PLEKHG4B: variants seen among roughly 807,000 people sequenced by gnomAD.
The protein encoded by PLEKHG4B is pleckstrin homology and RhoGEF domain containing G4B, also known as pleckstrin homology domain-containing family G member 4B.
In PLEKHG4B, 111 loss-of-function variants were observed where a neutral mutation model predicts 121.3. The observed-to-expected ratio is 0.92, with a 90% CI of 0.78 to 1.07. The LOEUF is 1.07. PLEKHG4B is among the 50% of genes least tolerant of loss of function. PLEKHG4B has a pLI of 0.00. For synonymous variants in PLEKHG4B, 738 were observed against 725.0 expected (o/e 1.02, Z -0.29); for missense variants, 1,831 against 1,757.8 (o/e 1.04, Z -0.74).
chr5:95,254 G>C (rs1175514733), intron 1 of PLEKHG4B, among the ~76,000 whole-genome samples: 1 of 152,142 alleles, frequency 6.6e-6, no homozygotes, highest in Non-Finnish European at 1.5e-5. Context: ...TTCTGCACTG[G>C]AGTCGTTACG....
At chr5:92,596 GACCTGCCGGCGGCTGCTGCGGGA>G (rs1733500138) in intron 1 of PLEKHG4B, among the ~76,000 whole-genome samples, 1 of 151,362 alleles carries the variant, frequency 6.6e-6, no homozygotes, top group Non-Finnish European at 1.5e-5. Context: ...TGGGTCCTGG[GACCTGCCGGCGGCTGCTGCGGGA>G]ACGGGAGGGA....
intron 2 of PLEKHG4B, among the ~76,000 whole-genome samples, chr5:127,808 C>T (rs896273152): frequency 6.6e-6 from 1 of 152,160 alleles, no homozygotes; most frequent in Non-Finnish European, 1.5e-5. Context: ...ATACAGCCCT[C>T]AGGAGGTCCT....
chr5:163,647 TA>T (rs1287143102), intron 13 of PLEKHG4B, 99 bp downstream of exon 13: 3 of 1,051,396 alleles, frequency 2.9e-6, no homozygotes, highest in Non-Finnish European at 4.0e-6. Context: ...AAGTAGAAAG[TA>T]AATCCGCAGA....
chr5:168,865 C>CTTT (rs140551039), intron 13 of PLEKHG4B, among the ~76,000 whole-genome samples: 7 of 100,452 alleles, frequency 7.0e-5, no homozygotes, highest in East Asian at 2.4e-4. Context: ...GAAGATTATT[C>CTTT]TTTTTTTTTT....
intron 1 of PLEKHG4B, among the ~76,000 whole-genome samples, chr5:107,165 A>T (rs1303606885): frequency 6.6e-6 from 1 of 152,176 alleles, no homozygotes; most frequent in Admixed American, 6.5e-5. Context: ...GGTCCTGCCC[A>T]TCTCTGCCTG....
intron 18 of PLEKHG4B, among the ~76,000 whole-genome samples, chr5:177,553 A>G (rs866814360): frequency 1.3e-5 from 2 of 152,346 alleles, no homozygotes; most frequent in Non-Finnish European, 1.5e-5. Flanking sequence ...CAGCAACCTC[A>G]GTTCTTACCT....
chr5:177,034 G>T lies in PLEKHG4B; in HGVS notation c.4402+2936G>T, dbSNP rs550365250. ...AAGGCCTCTTGACTTCTCCAGTTTT[G>T]CCAGGGATTTGCCAAATTAGTCTTC... On this transcript the variant is annotated intron_variant, in intron 18 of 19. Transcript: ENST00000637938. Among the ~76,000 whole-genome samples, 4 of 152,282 alleles carry T rather than the reference G, an allele frequency of 2.6e-5. No homozygotes were observed. In the East Asian group the frequency reaches 5.8e-4, roughly 22 times the overall value.
intron 1 of PLEKHG4B, among the ~76,000 whole-genome samples, chr5:104,131 T>A (rs1299859025): frequency 1.5e-5 from 2 of 131,466 alleles, no homozygotes; most frequent in African/African-American, 3.1e-5. Flanking sequence ...CTAAACAACC[T>A]CAGCCAGTCC....
chr5:155,355 A>T lies in PLEKHG4B; in HGVS notation c.2120A>T (p.His707Leu). The change falls in exon 9 of 20, where the codon CAC (histidine) becomes CTC (leucine). Residue 707 changes from histidine to leucine, a missense_variant. Coordinates refer to ENST00000637938, the MANE Select transcript of PLEKHG4B (RefSeq NM_052909.5). ...CTCAACTCACAACAGAGGCTGGAAC[A>T]CTTCGCTGCAAACTGTGAAGAAGCC... is the stretch of plus-strand genomic sequence containing the variant. ...DWICFRQRLE[H>L]FAANCEEAII... 6.2e-7 allele frequency: 1 copy of T among 1,614,100 alleles called. No homozygotes were observed. Among genetic ancestry groups the T allele is most frequent in the African/African-American group, 1.3e-5 (1 of 75,038 alleles).
At chr5:146,247 C>A (rs565059740) in intron 6 of PLEKHG4B, among the ~76,000 whole-genome samples, 1 of 110,228 alleles carries the variant, frequency 9.1e-6, no homozygotes, top group Non-Finnish European at 1.9e-5. Context: ...CCCCCACAGT[C>A]GTTCCACTTC....
chr5:143,622 C>G (rs1414338628), intron 5 of PLEKHG4B, 119 bp downstream of exon 5: 6 of 1,279,920 alleles, frequency 4.7e-6, no homozygotes, highest in Non-Finnish European at 6.5e-6. Context: ...CCTCTCCTAA[C>G]CTCATCTTTC....
chr5:101,769 A>G (rs1435454489), intron 1 of PLEKHG4B, among the ~76,000 whole-genome samples: 4 of 138,068 alleles, frequency 2.9e-5, no homozygotes, highest in African/African-American at 1.2e-4. Context: ...AAGCCCTGGA[A>G]AAAGCCTGTA....
rs144823462 is a variant in PLEKHG4B, at chr5:159,946, C to T, written c.2488-1837C>T. On this transcript the variant is annotated intron_variant, in intron 11 of 19. Transcript: ENST00000637938. This position sits in a 1 kb window ranked among gnomAD's most constrained non-coding sequence, Gnocchi z 5.5. The stretch of plus-strand genomic sequence containing the variant: ...TGTGCCCTGGCTGCTCTCTGCCCAC[C>T]GTGCTGAGTGTTACGCCTTGGAAGA... Among the ~76,000 whole-genome samples the T allele has an allele frequency of 6.9e-4, 105 of 152,288 alleles. 2 individuals are homozygous for T. In the East Asian group the frequency reaches 0.017, roughly 24 times the overall value.
chr5:155,498 A>C lies in PLEKHG4B; in HGVS notation c.2208+55A>C, dbSNP rs1026227331. ...TTTCATGTGACAGGTAGGTGGGGGCATAAAGGTTAGCCAAACTTGAAAATA... is the reference window on the plus strand; with the variant it reads ...TTTCATGTGACAGGTAGGTGGGGGCCTAAAGGTTAGCCAAACTTGAAAATA... On this transcript the variant is annotated intron_variant, in intron 9 of 19. Transcript: ENST00000637938. The C allele has an allele frequency of 1.2e-5, 16 of 1,387,830 alleles. No homozygotes were observed. In the African/African-American group the frequency reaches 2.3e-4, roughly 20 times the overall value. 86.0% of individuals were successfully genotyped at this position (1,387,830 alleles called of 1,614,324 possible).
intron 2 of PLEKHG4B, among the ~76,000 whole-genome samples, chr5:126,807 G>A (rs553025775): frequency 6.6e-6 from 1 of 152,278 alleles, no homozygotes; most frequent in Non-Finnish European, 1.5e-5. Context: ...GAAAGAGAAA[G>A]GAGAAGAACT....
At position 140,109 on chromosome 5, in the gene PLEKHG4B, G is replaced by T. The variant is rs1199776703; in HGVS notation, c.870G>T (p.Lys290Asn). 1.2e-5 allele frequency: 6 copies of T among 518,516 alleles called. No individual in the cohort carries two copies. The African/African-American group carries it at 1.2e-4, about 10-fold the overall frequency. 32.1% of individuals were successfully genotyped at this position (518,516 alleles called of 1,614,324 possible). A position where few individuals can be genotyped will look rare whatever the true frequency, so the allele number is the denominator to read the frequency against. Reference protein sequence around the residue: ...LSGSSDRDFEKVSPSEQGPRM... With the variant: ...LSGSSDRDFENVSPSEQGPRM... ...GAAGCTCAGACAGGGACTTCGAAAA[G>T]GTCAGCCCCTCAGAGCAGGGCCCAC... The change falls in exon 3 of 20, where the codon AAG (lysine) becomes AAT (asparagine). Residue 290 changes from lysine to asparagine, a missense_variant. Transcript: ENST00000637938.
chr5:151,389 T>G, intron 6 of PLEKHG4B, 124 bp from the exon 7 acceptor site: 1 of 538,570 alleles, frequency 1.9e-6, no homozygotes, highest in Non-Finnish European at 3.2e-6. Flanking sequence ...CAGCCATGTT[T>G]TATGCACTGT....
chr5:113,182 C>G lies in PLEKHG4B; in HGVS notation c.46-69C>G. 1 of 398,612 alleles carries G rather than the reference C, an allele frequency of 2.5e-6. No homozygotes were observed. Among genetic ancestry groups the G allele is most frequent in the Non-Finnish European group, 4.4e-6 (1 of 226,060 alleles). 24.7% of individuals were successfully genotyped at this position (398,612 alleles called of 1,614,324 possible). On this transcript the variant is annotated intron_variant, in intron 1 of 19. Coordinates refer to ENST00000637938, the MANE Select transcript of PLEKHG4B (RefSeq NM_052909.5). The surrounding 1 kb of genome is among the most constrained non-coding windows in gnomAD (Gnocchi z 5.2). ...TCCGTGTGGATCCTTCAGTGCCAGC[C>G]TTGGACTGTGGTGTGCACCTGTCTT...
chr5:174,088 A>G lies in PLEKHG4B; in HGVS notation c.4392A>G (p.Leu1464=). The G allele has an allele frequency of 1.3e-6, 2 of 1,578,296 alleles. No individual in the cohort carries two copies. The highest frequency in any genetic ancestry group is 1.7e-6 in the Non-Finnish European group (2 of 1,162,996). ...VIGRILWRQA[L]KSRELRIQEM... ...GGAGGATCCTGTGGCGGCAGGCACT[A>G]AAGAGCAGAGGTGGGAAGATGGGGG... The change falls in exon 18 of 20, where the codon CTA becomes CTG. Residue 1464 remains leucine, a synonymous_variant. Coordinates refer to ENST00000637938, the MANE Select transcript of PLEKHG4B (RefSeq NM_052909.5).
Sources: allele counts gnomAD v4.1 joint callset (sites outside exome capture counted in the v4.1 genomes callset), GRCh38; gene constraint gnomAD v4.1.1; non-coding constraint Gnocchi (gnomAD v3.1); transcripts MANE v1.5; gene names NCBI Gene and HGNC (gene_info 2026-07-23, HGNC 2026-07-21).